The following TFB1M variants were observed in gnomAD, a reference collection of about 807,000 sequenced individuals.
TFB1M encodes the protein transcription factor B1, mitochondrial.
A neutral mutation model predicts 31.1 loss-of-function variants in TFB1M; 27 were observed. The observed-to-expected ratio is 0.87, with a 90% CI of 0.64 to 1.20. TFB1M has a LOEUF of 1.20. Ranked by LOEUF, TFB1M falls within the 50% of genes most tolerant of loss-of-function variation. The pLI, the probability that TFB1M is intolerant of heterozygous loss-of-function variation, is 0.00. For synonymous variants in TFB1M, 166 were observed against 151.8 expected, an observed-to-expected ratio of 1.09 and a Z score of -0.69; for missense variants, 394 against 418.7, an observed-to-expected ratio of 0.94 and a Z score of 0.51.
intron 3 of TFB1M, among the ~76,000 whole-genome samples, chr6:155,297,536 T>C (rs540486508): frequency 2.4e-4 from 36 of 152,120 alleles, no homozygotes; most frequent in East Asian, 9.7e-4. Flanking sequence ...AGTGAAACCA[T>C]AGGAATGGAG....
At chr6:155,312,587 A>G (rs547437653) in intron 1 of TFB1M, among the ~76,000 whole-genome samples, 1 of 152,312 alleles carries the variant, frequency 6.6e-6, no homozygotes, top group East Asian at 1.9e-4. Flanking sequence ...TTTCAGGCAC[A>G]TTGAAATACA....
the TFB1M span, among the ~76,000 whole-genome samples, chr6:155,237,478 T>G: frequency 3.3e-5 from 5 of 152,250 alleles, no homozygotes; most frequent in African/African-American, 1.2e-4. Context: ...GGTGCCCCAG[T>G]AGGGACTCTG....
intron 4 of TFB1M, among the ~76,000 whole-genome samples, chr6:155,296,430 T>C (rs78453201): frequency 9.5e-6 from 1 of 105,378 alleles, no homozygotes; most frequent in East Asian, 2.8e-4. Flanking sequence ...CAGCTAATTT[T>C]TTTTTTTTTT....
intron 3 of TFB1M, among the ~76,000 whole-genome samples, chr6:155,298,042 C>T (rs923150772): frequency 6.6e-6 from 1 of 152,186 alleles, no homozygotes; most frequent in South Asian, 2.1e-4. Flanking sequence ...ACAGCAGGTA[C>T]CCAATAAACA....
chr6:155,267,804 A>T (rs1021373008), intron 5 of TFB1M, among the ~76,000 whole-genome samples: 1 of 152,248 alleles, frequency 6.6e-6, no homozygotes, highest in African/African-American at 2.4e-5. Context: ...AGCCAAGAAA[A>T]GTTCAGTTTG....
chr6:155,302,737 C>A (rs536469333), intron 2 of TFB1M, among the ~76,000 whole-genome samples: 42 of 152,256 alleles, frequency 2.8e-4, no homozygotes, highest in Admixed American at 5.9e-4. Context: ...ATCTTTCACT[C>A]TCTTTTTTAA....
At position 155,258,099 on chromosome 6, in the gene TFB1M, C is replaced by G. The variant is rs1351500364; in HGVS notation, c.795-17G>C. On this transcript the variant is annotated splice_polypyrimidine_tract_variant and intron_variant, in intron 6 of 6. Transcript: ENST00000367166. ...AATAACATTCTGAGGGGAAGACAGA[C>G]AGACAGAAAAATAAGAATTTTACTT... 6.2e-7 allele frequency: 1 copy of G among 1,614,094 alleles called. No homozygotes were observed. The highest frequency in any genetic ancestry group is 1.7e-5 in the Admixed American group (1 of 60,014).
At chr6:155,309,563 AAG>A (rs1215918176) in intron 2 of TFB1M, among the ~76,000 whole-genome samples, 3 of 152,180 alleles carry the variant, frequency 2.0e-5, no homozygotes, top group Admixed American at 6.5e-5. Flanking sequence ...GTTCATATCA[AAG>A]AGGGGAATAT....
chr6:155,254,358 G>A, downstream of TFB1M: 1 of 1,580,416 alleles, frequency 6.3e-7, no homozygotes, highest in Middle Eastern at 1.7e-4. Flanking sequence ...AGGCGGGCGT[G>A]GAATGGAAGC....
chr6:155,314,023 T>C (rs994821907), intron 1 of TFB1M: 8 of 1,195,408 alleles, frequency 6.7e-6, no homozygotes, highest in East Asian at 3.2e-5. Context: ...TCACGACCCA[T>C]GAACCCTTCC....
At chr6:155,289,968 A>G (rs930608514) in intron 4 of TFB1M, among the ~76,000 whole-genome samples, 10 of 152,340 alleles carry the variant, frequency 6.6e-5, no homozygotes, top group African/African-American at 1.2e-4. Context: ...TGCCATGATT[A>G]TAAGTTTCCT....
Position 155,311,277 on chromosome 6 carries a change from G to A in TFB1M, c.196C>T (p.Pro66Ser), listed in dbSNP as rs1778006173. The A allele has an allele frequency of 1.9e-6, 3 of 1,613,804 alleles. No homozygotes were observed. The highest frequency in any genetic ancestry group is 1.1e-5 in the South Asian group (1 of 91,060). Residue 66 changes from proline to serine, a missense_variant, in exon 2 of 7, where the codon CCA becomes TCA. Physicochemically the swap from Pro to Ser is moderately conservative, Grantham distance 74. Transcript: ENST00000367166. Reference sequence around the variant, plus strand: ...AGAATAGATCTTGTGATTCCCCCTGGCCCAGGGCCCACTTCGTAAACATAA... The same window carrying A: ...AGAATAGATCTTGTGATTCCCCCTGACCCAGGGCCCACTTCGTAAACATAA... ...NAYVYEVGPG[P>S]GGITRSILNA...
chr6:155,309,003 T>A (rs944571258), intron 2 of TFB1M, among the ~76,000 whole-genome samples: 1 of 152,224 alleles, frequency 6.6e-6, no homozygotes, highest in Admixed American at 6.5e-5. Context: ...CTTTCCTGCA[T>A]ATAAGATACT....
At chr6:155,259,479 C>T (rs541222155) in intron 6 of TFB1M, among the ~76,000 whole-genome samples, 1 of 152,366 alleles carries the variant, frequency 6.6e-6, no homozygotes, top group African/African-American at 2.4e-5. Context: ...CTAAAATAAT[C>T]TGCTGTCATT....
intron 5 of TFB1M, among the ~76,000 whole-genome samples, chr6:155,268,275 C>A (rs560975705): frequency 6.6e-6 from 1 of 152,250 alleles, no homozygotes; most frequent in Non-Finnish European, 1.5e-5. Context: ...CACAAAAAAA[C>A]ACTCTGATGG....
downstream of TFB1M, chr6:155,254,178 C>T: frequency 8.3e-7 from 1 of 1,200,580 alleles, no homozygotes; most frequent in South Asian, 1.5e-5. Context: ...TACTCCCCAC[C>T]CTCCGAAAAA....
chr6:155,286,627 G>T (rs1776666690), intron 4 of TFB1M, among the ~76,000 whole-genome samples: 1 of 141,418 alleles, frequency 7.1e-6, no homozygotes, highest in Non-Finnish European at 1.5e-5. Flanking sequence ...GTGTATATAT[G>T]TGTGCATATA....
At chr6:155,251,826 T>A (rs985228560), downstream of TFB1M, 1 of 746,930 alleles carries the variant, frequency 1.3e-6, no homozygotes, top group African/African-American at 1.8e-5. Flanking sequence ...GTTGGCAGAG[T>A]GAGGTCTTAG....
chr6:155,240,532 T>C, the TFB1M span: 300 of 1,609,454 alleles, frequency 1.9e-4, no homozygotes, highest in Middle Eastern at 2.1e-3. Flanking sequence ...TCTCTCAGAG[T>C]GCTGAGCAGA....
Sources: allele counts gnomAD v4.1 joint callset (sites outside exome capture counted in the v4.1 genomes callset), GRCh38; gene constraint gnomAD v4.1.1; transcripts MANE v1.5; gene names NCBI Gene and HGNC (gene_info 2026-07-23, HGNC 2026-07-21).